Variants in NFATC1 observed in about 807,000 individuals in gnomAD.
The protein encoded by NFATC1 is nuclear factor of activated T cells 1, also known as nuclear factor of activated T-cells, cytoplasmic 1.
Under a neutral mutation model 76.0 loss-of-function variants are expected in NFATC1, and 22 were observed. The ratio of observed to expected loss-of-function variants is 0.29; its 90% CI spans 0.21 to 0.41. NFATC1 has a LOEUF of 0.41. NFATC1 is among the 10% of genes least tolerant of loss of function. NFATC1 has a pLI of 1.00. For synonymous variants in NFATC1, 704 were observed against 613.1 expected (o/e 1.15, Z -2.19); for missense variants, 1,357 against 1,337.7 (o/e 1.01, Z -0.23).
chr18:79,402,386 A>C (rs2085297628), intron 1 of NFATC1: 63 of 985,396 alleles, frequency 6.4e-5, no homozygotes, highest in Non-Finnish European at 7.5e-5. Context: ...AGGTGGGTTC[A>C]GGACACAGTC....
At position 79,451,745 on chromosome 18, in the gene NFATC1, G is replaced by A; in HGVS notation, c.1832G>A (p.Gly611Glu). The A allele has an allele frequency of 3.1e-6, 5 of 1,613,214 alleles. No individual in the cohort carries two copies. The highest frequency in any genetic ancestry group is 3.4e-6 in the Non-Finnish European group (4 of 1,179,708). Residue 611 changes from glycine (G) to glutamate (E), a missense_variant, in exon 6 of 10, where the codon GGG becomes GAG. By Grantham distance (98) the Gly-to-Glu change is moderately conservative. Transcript: ENST00000427363. ...QSTDSYPVVG[G>E]KKMVLSGHNF... ...ACGGACAGCTATCCGGTCGTGGGCG[G>A]GAAGAAGATGGTCCTGTCTGGCCAC...
intron 2 of NFATC1, among the ~76,000 whole-genome samples, chr18:79,430,238 T>C (rs2086543383): frequency 6.6e-6 from 1 of 152,252 alleles, no homozygotes; most frequent in Admixed American, 6.5e-5. Context: ...TTAGGAAATG[T>C]GTCTGCCTTT....
intron 9 of NFATC1, among the ~76,000 whole-genome samples, chr18:79,516,210 G>A (rs1358440150): frequency 6.6e-6 from 1 of 152,172 alleles, no homozygotes; most frequent in African/African-American, 2.4e-5. Context: ...GCTGCGTCCA[G>A]ATGAGGGGCT....
chr18:79,467,821 C>G, intron 8 of NFATC1: 1 of 1,154,758 alleles, frequency 8.7e-7, no homozygotes, highest in East Asian at 6.2e-5. Flanking sequence ...CTCAGATAGT[C>G]ACGGTTATTT....
Position 79,432,694 on chromosome 18 carries a change from C to T in NFATC1, c.1227-885C>T, listed in dbSNP as rs557405822. 1.8e-4 allele frequency among the ~76,000 whole-genome samples: 28 copies of T among 152,304 alleles called. No individual in the cohort carries two copies. In the East Asian group the frequency reaches 4.6e-3, roughly 25 times the overall value. The stretch of plus-strand genomic sequence containing the variant: ...GGTGCCTGCGTGGATGGTGGTGCAC[C>T]GGGGCAGGCCACCCCCTAGATGCAA... On this transcript the variant is annotated intron_variant, in intron 2 of 9. Coordinates refer to ENST00000427363, the MANE Select transcript of NFATC1 (RefSeq NM_001278669.2).
At chr18:79,469,527 G>A (rs924651691) in intron 8 of NFATC1, 96 of 985,442 alleles carry the variant, frequency 9.7e-5, no homozygotes, top group Non-Finnish European at 1.1e-4. Flanking sequence ...GCAGCCGGCC[G>A]TCCTGTCCTA....
At chr18:79,482,584 T>TC (rs2089323482) in intron 8 of NFATC1, among the ~76,000 whole-genome samples, 1 of 141,668 alleles carries the variant, frequency 7.1e-6, no homozygotes, top group African/African-American at 2.7e-5. Flanking sequence ...CGTGACCTGG[T>TC]CCTGGGGTGT....
chr18:79,457,257 C>G (rs545402737), intron 6 of NFATC1, among the ~76,000 whole-genome samples: 4 of 152,164 alleles, frequency 2.6e-5, no homozygotes, highest in Middle Eastern at 3.2e-3. Flanking sequence ...GACACCTGCC[C>G]GTGTCTTCCT....
At chr18:79,400,992 C>A (rs2148134179) in intron 1 of NFATC1, among the ~76,000 whole-genome samples, 1 of 115,390 alleles carries the variant, frequency 8.7e-6, no homozygotes, top group African/African-American at 3.4e-5. Context: ...CCGCAGACCC[C>A]CCCAAGCCTC....
chr18:79,522,419 G>A lies in NFATC1; in HGVS notation c.2783-5109G>A, dbSNP rs59683150. 1.7e-3 allele frequency among the ~76,000 whole-genome samples: 169 copies of A among 102,244 alleles called. 2 individuals carry two copies. The highest frequency in any genetic ancestry group is 6.4e-3 in the African/African-American group (159 of 24,824). The allele number at this position is 102,244 out of a possible 152,430, so 67.1% of individuals were successfully genotyped here. A position where few individuals can be genotyped will look rare whatever the true frequency, so the allele number is the denominator to read the frequency against. ...ACGGATTGTGTCTGGGTGGGGGGAC[G>A]TCTGCTGGTGTGTGTGTTTTGTGTG... On this transcript the variant is annotated intron_variant, in intron 9 of 9. Coordinates refer to ENST00000427363, the MANE Select transcript of NFATC1 (RefSeq NM_001278669.2).
rs192086988 is a variant in NFATC1, at chr18:79,461,562, T to G, written c.1959+196T>G. ...TCACCAAGTACTCGCCAAAGCACCA[T>G]GTGCTGTCACCCAACGTGTCAGGTC... On this transcript the variant is annotated intron_variant, in intron 7 of 9. Coordinates refer to ENST00000427363, the MANE Select transcript of NFATC1 (RefSeq NM_001278669.2). Among the ~76,000 whole-genome samples, 113 of 152,302 alleles carry G rather than the reference T, an allele frequency of 7.4e-4. 1 individual carries two copies. Among genetic ancestry groups the G allele is most frequent in the African/African-American group, 2.3e-3 (94 of 41,556 alleles).
chr18:79,410,256 C>A lies in NFATC1; in HGVS notation c.128-147C>A. Reference sequence around the variant, plus strand: ...CTCCAAGTCGCCCGGAGCTGTCCGGCAGCGTGGTCTCAGGGACGTTTGCTG... The same window carrying A: ...CTCCAAGTCGCCCGGAGCTGTCCGGAAGCGTGGTCTCAGGGACGTTTGCTG... On this transcript the variant is annotated intron_variant, in intron 1 of 9. Coordinates refer to ENST00000427363, the MANE Select transcript of NFATC1 (RefSeq NM_001278669.2). The surrounding 1 kb of genome is among the most constrained non-coding windows in gnomAD (Gnocchi z 6.7). 6.1e-6 allele frequency: 8 copies of A among 1,317,866 alleles called. No individual in the cohort carries two copies. The East Asian group carries it at 1.2e-4, about 19-fold the overall frequency. The allele number at this position is 1,317,866 out of a possible 1,614,324, so 81.6% of individuals were successfully genotyped here. A position where few individuals can be genotyped will look rare whatever the true frequency, so the allele number is the denominator to read the frequency against.
At chr18:79,463,335 C>T (rs539834316) in intron 7 of NFATC1, among the ~76,000 whole-genome samples, 61 of 151,906 alleles carry the variant, frequency 4.0e-4, no homozygotes, top group African/African-American at 1.3e-3. Context: ...CTACACGGCC[C>T]GTTGTCCGCA....
chr18:79,428,907 T>C (rs984320804), intron 2 of NFATC1, among the ~76,000 whole-genome samples: 2 of 152,072 alleles, frequency 1.3e-5, no homozygotes, highest in Non-Finnish European at 1.5e-5. Flanking sequence ...ATGTATCATT[T>C]TGTAAAAATG....
chr18:79,456,092 G>A (rs1231361023), intron 6 of NFATC1, among the ~76,000 whole-genome samples: 1 of 152,238 alleles, frequency 6.6e-6, no homozygotes, highest in Non-Finnish European at 1.5e-5. Context: ...ACAGGCACCT[G>A]GCCGTTGTTT....
At chr18:79,445,132 AT>A (rs1355419706) in intron 3 of NFATC1, among the ~76,000 whole-genome samples, 1 of 151,838 alleles carries the variant, frequency 6.6e-6, no homozygotes, top group Non-Finnish European at 1.5e-5. Context: ...TTTTGTTTCG[AT>A]TTTTCCTGGT....
At position 79,486,681 on chromosome 18, in the gene NFATC1, C is replaced by T. The variant is rs758410473; in HGVS notation, c.2526C>T (p.Leu842=). The T allele has an allele frequency of 1.2e-6, 2 of 1,602,292 alleles. No homozygotes were observed. Among genetic ancestry groups the T allele is most frequent in the Non-Finnish European group, 1.7e-6 (2 of 1,176,894 alleles). Reference sequence around the variant, plus strand: ...GCCCCCCTGGTCTCGAACACTCGCTCTGCCCCAGCAGCCCCTCTCCTCCAC... The same window carrying T: ...GCCCCCCTGGTCTCGAACACTCGCTTTGCCCCAGCAGCCCCTCTCCTCCAC... ...SSCPPGLEHS[L]CPSSPSPPLP... The change falls in exon 9 of 10, where the codon CTC becomes CTT. Residue 842 remains leucine (L), a synonymous_variant. Coordinates refer to ENST00000427363, the MANE Select transcript of NFATC1 (RefSeq NM_001278669.2).
chr18:79,474,800 A>G (rs1204962460), intron 8 of NFATC1, among the ~76,000 whole-genome samples: 6 of 139,126 alleles, frequency 4.3e-5, no homozygotes, highest in Admixed American at 1.4e-4. Context: ...GCGTTTTCAC[A>G]CTGTCGACGT....
intron 9 of NFATC1, among the ~76,000 whole-genome samples, chr18:79,505,132 T>A (rs2090095538): frequency 1.5e-5 from 1 of 68,922 alleles, no homozygotes; most frequent in Non-Finnish European, 2.7e-5. Flanking sequence ...GAGGTGGTGC[T>A]GGAGGCCCTT....
Sources: gnomAD v4.1 joint callset for allele counts (sites outside exome capture counted in the v4.1 genomes callset) on GRCh38, gnomAD v4.1.1 for gene constraint, Gnocchi (gnomAD v3.1) non-coding constraint, MANE v1.5 for transcripts, NCBI Gene and HGNC (gene_info 2026-07-23, HGNC 2026-07-21) for gene names.